The following GNA14 variants were observed in gnomAD, a reference collection of about 807,000 sequenced individuals.
GNA14 encodes guanine nucleotide-binding protein subunit alpha-14.
Under a neutral mutation model 42.0 loss-of-function variants are expected in GNA14, and 50 were observed. The observed-to-expected ratio is 1.19, with a 90% CI of 0.95 to 1.51. The LOEUF (loss-of-function observed/expected upper bound fraction) is 1.51. GNA14 is among the 40% of genes most tolerant of loss of function. The probability of loss-of-function intolerance (pLI) is 0.00; values close to 1 mark genes in which losing one functional copy is unlikely to be tolerated. For missense variants in GNA14, 473 were observed against 446.2 expected (o/e 1.06, Z -0.54); for synonymous variants, 173 against 163.1 (o/e 1.06, Z -0.46).
intron 2 of GNA14, among the ~76,000 whole-genome samples, chr9:77,472,208 T>G (rs186118207): frequency 5.1e-4 from 78 of 152,298 alleles, no homozygotes; most frequent in Admixed American, 2.2e-3. Flanking sequence ...TGTCATACTT[T>G]GGAAAATGGA....
chr9:77,473,790 CAG>C (rs909779088), intron 2 of GNA14, among the ~76,000 whole-genome samples: 1 of 152,110 alleles, frequency 6.6e-6, no homozygotes, highest in Non-Finnish European at 1.5e-5. Context: ...GTAATCAAAA[CAG>C]TGTGGTACTG....
chr9:77,455,513 C>T lies in GNA14; in HGVS notation c.310-20991G>A, dbSNP rs150731847. On this transcript the variant is annotated intron_variant, in intron 2 of 6. Transcript: ENST00000341700. ...TATGCAGGACGTGTACACCAGGGGG[C>T]GTGAATCTCAGAATTCTGCCCAGCA... Among the ~76,000 whole-genome samples, 1,092 of 152,286 alleles carry T rather than the reference C, an allele frequency of 7.2e-3. 5 individuals are homozygous for T. Among genetic ancestry groups the T allele is most frequent in the South Asian group, 0.012 (58 of 4,826 alleles).
At chr9:77,435,580 AAAT>A (rs1357931260) in intron 2 of GNA14, among the ~76,000 whole-genome samples, 1 of 152,098 alleles carries the variant, frequency 6.6e-6, no homozygotes. Flanking sequence ...TATGATTATT[AAAT>A]AATTATTGCT....
intron 1 of GNA14, among the ~76,000 whole-genome samples, chr9:77,539,852 T>C (rs1837638394): frequency 6.6e-6 from 1 of 152,172 alleles, no homozygotes; most frequent in African/African-American, 2.4e-5. Flanking sequence ...TCCTTTTTGA[T>C]TTCTGATTAT....
intron 2 of GNA14, among the ~76,000 whole-genome samples, chr9:77,474,177 C>CT (rs1836378407): frequency 6.6e-6 from 1 of 152,118 alleles, no homozygotes; most frequent in South Asian, 2.1e-4. Flanking sequence ...AAATTAAAAA[C>CT]TTTTATACTT....
intron 2 of GNA14, among the ~76,000 whole-genome samples, chr9:77,434,907 A>G (rs1835618364): frequency 6.6e-6 from 1 of 152,190 alleles, no homozygotes; most frequent in South Asian, 2.1e-4. Context: ...TGCATAGCCA[A>G]TGAGGCCATT....
Position 77,467,833 on chromosome 9 carries a change from T to C in GNA14, c.310-33311A>G, listed in dbSNP as rs187453603. Among the ~76,000 whole-genome samples the C allele has an allele frequency of 2.0e-3, 301 of 151,896 alleles. 7 individuals carry two copies. Among genetic ancestry groups the C allele is most frequent in the Non-Finnish European group, 3.4e-4 (23 of 67,944 alleles). On this transcript the variant is annotated intron_variant, in intron 2 of 6. Transcript: ENST00000341700. ...TACAAGTGGGTACTGTGTGTTAGGG[T>C]GGGGGAGGGAAAAAGTTAATAGTAC...
chr9:77,434,234 A>G (rs1280622801), intron 3 of GNA14, 134 bp downstream of exon 3: 4 of 761,248 alleles, frequency 5.3e-6, no homozygotes, highest in Non-Finnish European at 8.6e-6. Context: ...GTCAGGAGGG[A>G]TATGGGAAAG....
chr9:77,599,630 T>C (rs1823521441), intron 1 of GNA14, among the ~76,000 whole-genome samples: 1 of 152,190 alleles, frequency 6.6e-6, no homozygotes, highest in African/African-American at 2.4e-5. Flanking sequence ...GATAAGCATA[T>C]GCCAGCCCCG....
intron 2 of GNA14, among the ~76,000 whole-genome samples, chr9:77,500,116 G>A (rs112292328): frequency 6.6e-6 from 1 of 151,554 alleles, no homozygotes; most frequent in Non-Finnish European, 1.5e-5. Flanking sequence ...TCCACCTCCT[G>A]GGTTCAAGCA....
At chr9:77,480,017 C>A (rs1245112083) in intron 2 of GNA14, among the ~76,000 whole-genome samples, 1 of 152,208 alleles carries the variant, frequency 6.6e-6, no homozygotes, top group Non-Finnish European at 1.5e-5. Context: ...TTGACTTCCT[C>A]TTTTCCAAAT....
intron 1 of GNA14, among the ~76,000 whole-genome samples, chr9:77,616,177 T>C (rs984167729): frequency 1.3e-5 from 2 of 152,200 alleles, no homozygotes; most frequent in Non-Finnish European, 2.9e-5. Context: ...TAAAGCAGAA[T>C]GGAAACCTAA....
chr9:77,517,262 G>A (rs962023149), intron 2 of GNA14, among the ~76,000 whole-genome samples: 11 of 152,052 alleles, frequency 7.2e-5, no homozygotes, highest in African/African-American at 2.4e-4. Flanking sequence ...CAGGAGATGC[G>A]GATGCCCACG....
Position 77,531,675 on chromosome 9 carries a change from A to T in GNA14, c.125-2422T>A, listed in dbSNP as rs536832632. On this transcript the variant is annotated intron_variant, in intron 1 of 6. Transcript: ENST00000341700. The stretch of plus-strand genomic sequence containing the variant: ...AGACAGGCTGTGGTTTTGGTCCTGA[A>T]GCCAGAAAAATCACTCAAGACACAC... Among the ~76,000 whole-genome samples, 60 of 152,270 alleles carry T rather than the reference A, an allele frequency of 3.9e-4. 2 individuals carry two copies. Among genetic ancestry groups the T allele is most frequent in the South Asian group, 1.9e-3 (9 of 4,820 alleles).
At chr9:77,528,085 G>A (rs1357129695) in intron 2 of GNA14, among the ~76,000 whole-genome samples, 1 of 152,180 alleles carries the variant, frequency 6.6e-6, no homozygotes, top group East Asian at 1.9e-4. Context: ...GGTGCCTACT[G>A]TGTTTTCCTA....
At chr9:77,426,546 C>T (rs10125628) in intron 5 of GNA14, among the ~76,000 whole-genome samples, 89,055 of 151,964 alleles carry the variant, frequency 0.59, 26,282 homozygotes, top group Admixed American at 0.67. Context: ...CCTCGCGATC[C>T]GCCCGCCTCG....
intron 1 of GNA14, among the ~76,000 whole-genome samples, chr9:77,600,497 G>A (rs1219510250): frequency 6.6e-6 from 1 of 152,124 alleles, no homozygotes; most frequent in South Asian, 2.1e-4. Flanking sequence ...TCCTGCACAG[G>A]CCCAAAAGAT....
At chr9:77,636,923 A>T (rs191711067) in intron 1 of GNA14, among the ~76,000 whole-genome samples, 47 of 152,280 alleles carry the variant, frequency 3.1e-4, no homozygotes, top group Admixed American at 1.9e-3. Flanking sequence ...CTCTTACTAG[A>T]ATATGGTTCC....
chr9:77,620,655 T>C (rs934875581), intron 1 of GNA14, among the ~76,000 whole-genome samples: 2 of 152,082 alleles, frequency 1.3e-5, no homozygotes, highest in Admixed American at 1.3e-4. Flanking sequence ...GAGACCAGCC[T>C]GGCCAGCATG....
Sources: gnomAD v4.1 joint callset for allele counts (sites outside exome capture counted in the v4.1 genomes callset) on GRCh38, gnomAD v4.1.1 for gene constraint, MANE v1.5 for transcripts, NCBI Gene and HGNC (gene_info 2026-07-23, HGNC 2026-07-21) for gene names.